The following MLIP variants were observed in gnomAD, a reference collection of about 807,000 sequenced individuals.
The protein encoded by MLIP is muscular LMNA-interacting protein.
A neutral mutation model predicts 84.8 loss-of-function variants in MLIP; 79 were observed. That is an observed-to-expected ratio of 0.93 (90% CI 0.78 to 1.12). The LOEUF (loss-of-function observed/expected upper bound fraction) is 1.12, where lower values mean the gene tolerates loss of function less well. MLIP is among the 50% of genes most tolerant of loss of function. MLIP has a pLI of 0.00. For missense variants in MLIP, 1,257 were observed against 1,160.6 expected (o/e 1.08, Z -1.21); for synonymous variants, 504 against 463.0 (o/e 1.09, Z -1.14).
At chr6:54,245,734 T>C (rs1782034316) in intron 12 of MLIP, among the ~76,000 whole-genome samples, 1 of 152,184 alleles carries the variant, frequency 6.6e-6, no homozygotes, top group African/African-American at 2.4e-5. Context: ...GCTTTTTACC[T>C]ACACAAATAT....
chr6:54,139,589 T>G (rs1349475870), intron 4 of MLIP, among the ~76,000 whole-genome samples: 3 of 152,188 alleles, frequency 2.0e-5, no homozygotes, highest in Admixed American at 2.0e-4. Context: ...TATGCTAGTA[T>G]ACAAAATAGT....
At chr6:54,247,669 A>G (rs540735880) in intron 12 of MLIP, among the ~76,000 whole-genome samples, 2 of 152,298 alleles carry the variant, frequency 1.3e-5, no homozygotes, top group South Asian at 4.1e-4. Flanking sequence ...GCCCAATGCC[A>G]GGAAGATGGG....
intron 1 of MLIP, among the ~76,000 whole-genome samples, chr6:54,036,252 T>C (rs1024068749): frequency 6.6e-6 from 1 of 151,772 alleles, no homozygotes; most frequent in Admixed American, 6.6e-5. Flanking sequence ...TTTTTTTTTT[T>C]TTTTTTAAAT....
intron 1 of MLIP, among the ~76,000 whole-genome samples, chr6:54,068,626 T>C (rs1392505989): frequency 9.9e-6 from 1 of 101,362 alleles, no homozygotes; most frequent in South Asian, 3.5e-4. Flanking sequence ...AATACTTTAA[T>C]ATGGACTAAG....
At chr6:54,022,382 A>G (rs1360718796) in intron 1 of MLIP, among the ~76,000 whole-genome samples, 1 of 152,248 alleles carries the variant, frequency 6.6e-6, no homozygotes, top group African/African-American at 2.4e-5. Context: ...GTTCTCTGCA[A>G]CATATCTTAG....
chr6:54,211,947 T>C (rs574080067), intron 11 of MLIP, among the ~76,000 whole-genome samples: 23 of 152,160 alleles, frequency 1.5e-4, no homozygotes, highest in Non-Finnish European at 2.6e-4. Context: ...TGTTCTTAGT[T>C]CTTTAGGGAG....
chr6:54,109,425 T>G (rs1164770695), upstream of MLIP, among the ~76,000 whole-genome samples: 3 of 152,088 alleles, frequency 2.0e-5, no homozygotes, highest in Non-Finnish European at 4.4e-5. Flanking sequence ...ATTTCACAGG[T>G]GAGAGGACTG....
At chr6:54,022,022 T>G (rs1763524524) in intron 1 of MLIP, among the ~76,000 whole-genome samples, 1 of 152,214 alleles carries the variant, frequency 6.6e-6, no homozygotes, top group South Asian at 2.1e-4. Context: ...GAAAGTATTT[T>G]GTAACAATAT....
intron 10 of MLIP, among the ~76,000 whole-genome samples, chr6:54,195,315 T>G (rs189335785): frequency 2.2e-3 from 328 of 152,194 alleles, no homozygotes; most frequent in Non-Finnish European, 3.4e-3. Context: ...TAAAATAAAC[T>G]CTTGAAAGCT....
intron 12 of MLIP, among the ~76,000 whole-genome samples, chr6:54,240,678 G>C (rs1781676514): frequency 6.6e-6 from 1 of 152,118 alleles, no homozygotes; most frequent in Admixed American, 6.5e-5. Context: ...GGGAGCTTTA[G>C]AAAAGTGCAG....
chr6:54,178,008 C>T (rs1000262017), intron 9 of MLIP, among the ~76,000 whole-genome samples: 1 of 151,978 alleles, frequency 6.6e-6, no homozygotes, highest in African/African-American at 2.4e-5. Context: ...AACACATAGA[C>T]ACGGGCAGGG....
At chr6:54,108,368 A>T (rs1266981503), upstream of MLIP, among the ~76,000 whole-genome samples, 5 of 152,198 alleles carry the variant, frequency 3.3e-5, no homozygotes, top group South Asian at 8.3e-4. Context: ...CTCTCCACTC[A>T]GGTAATTTAT....
In MLIP at chr6:54,124,843, C is replaced by T. The variant is rs1213168283; in HGVS notation, c.623C>T (p.Ala208Val). ...SSHPEMLHGM[A>V]PQQKHGQLTS... ...CATCCTGAAATGCTTCATGGGATGGCCCCTCAGCAAAAGCATGGGCAGGTA... is the reference window on the plus strand; with the variant it reads ...CATCCTGAAATGCTTCATGGGATGGTCCCTCAGCAAAAGCATGGGCAGGTA... Residue 208 changes from alanine to valine, a missense_variant, in exon 3 of 14, where the codon GCC becomes GTC. Coordinates refer to ENST00000502396, the MANE Select transcript of MLIP (RefSeq NM_001281747.2). 1 of 1,596,268 alleles carries T rather than the reference C, an allele frequency of 6.3e-7. No homozygotes were observed. The highest frequency in any genetic ancestry group is 8.5e-7 in the Non-Finnish European group (1 of 1,170,992).
At chr6:54,122,531 C>G (rs769785279) in intron 2 of MLIP, among the ~76,000 whole-genome samples, 4 of 152,100 alleles carry the variant, frequency 2.6e-5, no homozygotes, top group Non-Finnish European at 5.9e-5. Flanking sequence ...ATTCTTGACA[C>G]AATTAGAAAG....
rs527517004 is a variant in MLIP, at chr6:54,129,327, A to G, written c.645+4462A>G. ...GATTCCTGAACCCCTTGAACTTGAC[A>G]AAAAATATTTTTCTCACTTCTGCTT... On this transcript the variant is annotated intron_variant, in intron 3 of 13. Coordinates refer to ENST00000502396, the MANE Select transcript of MLIP (RefSeq NM_001281747.2). 1.8e-4 allele frequency among the ~76,000 whole-genome samples: 27 copies of G among 152,230 alleles called. 1 individual carries two copies. In the South Asian group the frequency reaches 5.6e-3, roughly 32 times the overall value.
At chr6:54,255,333 C>T (rs180807222) in intron 12 of MLIP, among the ~76,000 whole-genome samples, 1 of 152,276 alleles carries the variant, frequency 6.6e-6, no homozygotes, top group East Asian at 1.9e-4. Flanking sequence ...ATCTGTGAAA[C>T]AGAGTATTAC....
intron 13 of MLIP, among the ~76,000 whole-genome samples, chr6:54,263,576 A>G (rs1378554960): frequency 3.3e-5 from 5 of 152,106 alleles, no homozygotes; most frequent in African/African-American, 1.2e-4. Flanking sequence ...ATTTTGCAGT[A>G]AAGAATATGC....
upstream of MLIP, chr6:54,111,276 C>T: frequency 1.3e-6 from 1 of 747,550 alleles, no homozygotes; most frequent in Non-Finnish European, 1.9e-6. Context: ...GTTAGTATGA[C>T]CTCTCATAAT....
chr6:54,127,425 G>A (rs1017038951), intron 3 of MLIP, among the ~76,000 whole-genome samples: 3 of 152,112 alleles, frequency 2.0e-5, no homozygotes, highest in Admixed American at 1.3e-4. Context: ...TCAAAAGATT[G>A]CATATCTTTT....
Sources: gnomAD v4.1 joint callset for allele counts (sites outside exome capture counted in the v4.1 genomes callset) on GRCh38, gnomAD v4.1.1 for gene constraint, MANE v1.5 for transcripts, NCBI Gene and HGNC (gene_info 2026-07-23, HGNC 2026-07-21) for gene names.